CCDC88A: variants seen among roughly 807,000 people sequenced by gnomAD.
The protein encoded by CCDC88A is girdin.
A neutral mutation model predicts 234.3 loss-of-function variants in CCDC88A; 54 were observed. The observed-to-expected ratio is 0.23, with a 90% CI of 0.19 to 0.29. The LOEUF (loss-of-function observed/expected upper bound fraction) is 0.29. Among genes scored for constraint, CCDC88A ranks in the 10% least tolerant of loss-of-function variants. The pLI is 1.00. For missense variants in CCDC88A, 1,832 were observed against 2,123.4 expected (o/e 0.86, Z 2.70); for synonymous variants, 753 against 737.8 (o/e 1.02, Z -0.33).
chr2:55,307,256 T>G (rs1681708091), intron 25 of CCDC88A, among the ~76,000 whole-genome samples: 1 of 152,228 alleles, frequency 6.6e-6, no homozygotes, highest in African/African-American at 2.4e-5. Flanking sequence ...GTAATGAAAT[T>G]AAAAGGTTAT....
chr2:55,407,907 G>A (rs1225635858), intron 2 of CCDC88A, among the ~76,000 whole-genome samples: 3 of 147,896 alleles, frequency 2.0e-5, no homozygotes, highest in Admixed American at 6.7e-5. Flanking sequence ...TAGTAGAGAC[G>A]GGGTTTCACC....
At chr2:55,330,424 G>C (rs1413518801) in intron 16 of CCDC88A, among the ~76,000 whole-genome samples, 2 of 152,044 alleles carry the variant, frequency 1.3e-5, no homozygotes, top group African/African-American at 2.4e-5. Flanking sequence ...AGTGAGCCGA[G>C]ATTGTGCCAC....
intron 23 of CCDC88A, among the ~76,000 whole-genome samples, chr2:55,310,445 C>T (rs1011620571): frequency 5.3e-5 from 8 of 151,826 alleles, no homozygotes; most frequent in African/African-American, 1.2e-4. Flanking sequence ...AGCAGCATGC[C>T]GCAGCATTTG....
intron 2 of CCDC88A, among the ~76,000 whole-genome samples, chr2:55,413,280 G>A (rs1340261448): frequency 1.3e-5 from 2 of 152,146 alleles, no homozygotes; most frequent in Non-Finnish European, 2.9e-5. Flanking sequence ...TAAGTAGGTA[G>A]ATATAGCATA....
At chr2:55,319,269 T>C (rs1470590065) in intron 18 of CCDC88A, among the ~76,000 whole-genome samples, 2 of 152,104 alleles carry the variant, frequency 1.3e-5, no homozygotes, top group African/African-American at 4.8e-5. Flanking sequence ...AAAAATAAAA[T>C]ATCCCATTCT....
At chr2:55,382,136 A>G (rs190443822) in intron 3 of CCDC88A, among the ~76,000 whole-genome samples, 1 of 152,336 alleles carries the variant, frequency 6.6e-6, no homozygotes, top group Non-Finnish European at 1.5e-5. Flanking sequence ...TATAACACAC[A>G]TAGAATCTCA....
chr2:55,359,961 A>G (rs576290581), intron 7 of CCDC88A, among the ~76,000 whole-genome samples: 7 of 152,250 alleles, frequency 4.6e-5, no homozygotes, highest in African/African-American at 1.4e-4. Context: ...AAGGTATTAC[A>G]GTATTATGTT....
At chr2:55,319,384 A>G (rs181561905) in intron 18 of CCDC88A, among the ~76,000 whole-genome samples, 10 of 152,294 alleles carry the variant, frequency 6.6e-5, no homozygotes, top group African/African-American at 1.2e-4. Context: ...GCTGTGTCCA[A>G]CCATGGAGGT....
intron 3 of CCDC88A, among the ~76,000 whole-genome samples, chr2:55,380,551 C>T (rs1311487412): frequency 6.6e-6 from 1 of 150,910 alleles, no homozygotes; most frequent in Non-Finnish European, 1.5e-5. Flanking sequence ...TCATTTCCAC[C>T]ACATGTTAGC....
At chr2:55,341,354 G>T (rs1413284970) in intron 12 of CCDC88A, among the ~76,000 whole-genome samples, 1 of 151,440 alleles carries the variant, frequency 6.6e-6, no homozygotes, top group Non-Finnish European at 1.5e-5. Context: ...CATCATGTTG[G>T]CCAGGATGGT....
chr2:55,349,412 T>A, intron 9 of CCDC88A, 106 bp downstream of exon 9: 2 of 816,902 alleles, frequency 2.4e-6, no homozygotes, highest in Non-Finnish European at 2.0e-6. Flanking sequence ...CTCAGGAACC[T>A]CTTTTATTTA....
chr2:55,341,689 C>T (rs193170232), intron 12 of CCDC88A, among the ~76,000 whole-genome samples: 14 of 151,942 alleles, frequency 9.2e-5, no homozygotes, highest in Admixed American at 3.3e-4. Context: ...GTGATCCACC[C>T]GCCTCGGCCT....
chr2:55,329,502 T>C (rs918559568), intron 16 of CCDC88A: 17 of 152,212 alleles, frequency 1.1e-4, no homozygotes, highest in African/African-American at 4.1e-4. Context: ...AAAAATCATT[T>C]ACTGCGTCTG....
At chr2:55,396,851 C>T (rs971697633) in intron 2 of CCDC88A, among the ~76,000 whole-genome samples, 9 of 114,572 alleles carry the variant, frequency 7.9e-5, no homozygotes, top group Admixed American at 2.7e-4. Flanking sequence ...GCCTGGGCAA[C>T]GGAGCAAGAC....
chr2:55,343,754 CATTA>C lies in CCDC88A; in HGVS notation c.1223_1226del (p.Leu408TrpfsTer5), dbSNP rs1413663237. On this transcript the variant is annotated frameshift_variant, in exon 12 of 33. Transcript: ENST00000436346. LOFTEE classifies it high-confidence loss of function. ...CCATTTCCAAAGTCATATTTTCTTC[CATTA>C]ATTCTTCAATCTTTTTTCTATCCAT... 1 of 1,610,742 alleles carries C rather than the reference CATTA, an allele frequency of 6.2e-7. No homozygotes were observed.
chr2:55,384,649 A>ACG lies in CCDC88A; in HGVS notation c.273+4128_273+4129insCG, dbSNP rs1675283342. Among the ~76,000 whole-genome samples, 4 of 32,436 alleles carry ACG rather than the reference A, an allele frequency of 1.2e-4. 2 individuals carry two copies. In the African/African-American group the frequency reaches 1.6e-3, roughly 13 times the overall value. The allele number at this position is 32,436 out of a possible 152,430, so 21.3% of individuals were successfully genotyped here. ...TATATATGTATATATGTGTATATATACATATATATATATATATATTTTTTA... is the reference window on the plus strand; with the variant it reads ...TATATATGTATATATGTGTATATATACGCATATATATATATATATATTTTTTA... On this transcript the variant is annotated intron_variant, in intron 3 of 32. Coordinates refer to ENST00000436346, the MANE Select transcript of CCDC88A (RefSeq NM_001365480.1).
chr2:55,343,241 C>T (rs186586530), intron 12 of CCDC88A, among the ~76,000 whole-genome samples: 1 of 152,180 alleles, frequency 6.6e-6, no homozygotes, highest in African/African-American at 2.4e-5. Flanking sequence ...ACTATATTTT[C>T]CTCTGAAAAT....
intron 2 of CCDC88A, chr2:55,416,913 T>A (rs1200262651): frequency 6.6e-6 from 1 of 151,986 alleles, no homozygotes; most frequent in East Asian, 1.9e-4. Context: ...TATACTTTTT[T>A]TTTCTTTTCT....
intron 3 of CCDC88A, among the ~76,000 whole-genome samples, chr2:55,384,455 T>C (rs1675118928): frequency 6.8e-6 from 1 of 147,452 alleles, no homozygotes; most frequent in Non-Finnish European, 1.5e-5. Flanking sequence ...TGCTTCTATA[T>C]GAACTTGCTT....
Sources: allele counts gnomAD v4.1 joint callset (sites outside exome capture counted in the v4.1 genomes callset), GRCh38; gene constraint gnomAD v4.1.1; transcripts MANE v1.5; gene names NCBI Gene and HGNC (gene_info 2026-07-23, HGNC 2026-07-21).